TOM1: variants seen among roughly 807,000 people sequenced by gnomAD.
TOM1 encodes target of myb1 membrane trafficking protein, also known as target of Myb protein 1.
In TOM1, 38 loss-of-function variants were observed where a neutral mutation model predicts 61.3. The ratio of observed to expected loss-of-function variants is 0.62; its 90% confidence interval spans 0.48 to 0.81. The LOEUF is 0.81. TOM1 is among the 40% of genes least tolerant of loss of function. The pLI is 0.00. For missense variants in TOM1, 591 were observed against 659.6 expected (o/e 0.90, Z 1.14); for synonymous variants, 270 against 268.8 (o/e 1.00, Z -0.04).
At chr22:35,336,610 C>G (rs25015) in intron 11 of TOM1, 67 of 152,208 alleles carry the variant, frequency 4.4e-4, no homozygotes, top group East Asian at 1.2e-3. Flanking sequence ...GTCCTTCCCC[C>G]GCTTTGTCCG....
chr22:35,334,436 A>C lies in TOM1; in HGVS notation c.1136A>C (p.Asp379Ala). 1 of 1,613,988 alleles carries C rather than the reference A, an allele frequency of 6.2e-7. No homozygotes were observed. Among genetic ancestry groups the C allele is most frequent in the Non-Finnish European group, 8.5e-7 (1 of 1,179,984 alleles). ...CTGACACGGGGCAGCTCACTGGCTG[A>C]CCAACGGAAAGAGTGAGTGGCCTGG... ...FALTRGSSLA[D>A]QRKEVKYEAP... The change falls in exon 11 of 15, where the codon GAC (aspartate) becomes GCC (alanine). Residue 379 changes from aspartate (D) to alanine (A), a missense_variant. Physicochemically the swap from Asp to Ala is moderately radical, Grantham distance 126. Coordinates refer to ENST00000449058, the MANE Select transcript of TOM1 (RefSeq NM_005488.3).
At chr22:35,305,822 G>A (rs1290468880) in intron 1 of TOM1, among the ~76,000 whole-genome samples, 2 of 152,206 alleles carry the variant, frequency 1.3e-5, no homozygotes, top group African/African-American at 2.4e-5. Context: ...TTGTTCAGTA[G>A]TGAGCTCCCC....
In TOM1 at chr22:35,314,157, C is replaced by T. The variant is rs555248787; in HGVS notation, c.53-3720C>T. On this transcript the variant is annotated intron_variant, in intron 1 of 14. Coordinates refer to ENST00000449058, the MANE Select transcript of TOM1 (RefSeq NM_005488.3). ...ATTCACCGCAATCCTGTTGTCCACA[C>T]CTGGACCTGGAGGAACCTGGAGGAA... Among the ~76,000 whole-genome samples, 3 of 152,316 alleles carry T rather than the reference C, an allele frequency of 2.0e-5. No homozygotes were observed. In the East Asian group the frequency reaches 5.8e-4, roughly 29 times the overall value.
rs1569034913 is a variant in TOM1, at chr22:35,334,342, A to G, written c.1042A>G (p.Ser348Gly). The change falls in exon 11 of 15, where the codon AGT becomes GGT. Residue 348 changes from serine (S) to glycine (G), a missense_variant. Ser to Gly is a moderately conservative substitution (Grantham distance 56, BLOSUM62 0). Transcript: ENST00000449058. ...QLAGMNLGSS[S>G]VRAGLQSLEA... ...TGTCCCTGCAGACCTGGGCTCCAGC[A>G]GTGTGAGAGCTGGCCTGCAGTCTCT... 1 of 1,613,578 alleles carries G rather than the reference A, an allele frequency of 6.2e-7. No homozygotes were observed. The highest frequency in any genetic ancestry group is 1.1e-5 in the South Asian group (1 of 91,078).
At chr22:35,316,781 C>T (rs1234620456) in intron 1 of TOM1, among the ~76,000 whole-genome samples, 1 of 152,104 alleles carries the variant, frequency 6.6e-6, no homozygotes, top group African/African-American at 2.4e-5. Context: ...GTGACTTTCG[C>T]CTCAACTTTT....
intron 1 of TOM1, among the ~76,000 whole-genome samples, chr22:35,309,366 A>C (rs138771): frequency 6.6e-6 from 1 of 151,948 alleles, no homozygotes; most frequent in East Asian, 1.9e-4. Flanking sequence ...GAAAGAGGCC[A>C]GGCGCAGTGG....
intron 2 of TOM1, 33 bp downstream of exon 2, chr22:35,317,994 A>G (rs754120930): frequency 6.4e-7 from 1 of 1,565,626 alleles, no homozygotes; most frequent in Middle Eastern, 1.7e-4. Flanking sequence ...TTGGGGGCAG[A>G]GACGGCCATC....
chr22:35,312,970 T>C (rs1926964780), intron 1 of TOM1, among the ~76,000 whole-genome samples: 1 of 152,102 alleles, frequency 6.6e-6, no homozygotes, highest in Non-Finnish European at 1.5e-5. Flanking sequence ...GCTGTCTCAG[T>C]GATCATGAGA....
intron 1 of TOM1, among the ~76,000 whole-genome samples, chr22:35,311,995 C>G (rs1926867605): frequency 6.6e-6 from 1 of 152,164 alleles, no homozygotes; most frequent in African/African-American, 2.4e-5. Context: ...TGGCTCACGC[C>G]TGTAATCCCA....
chr22:35,324,814 T>C (rs919855054), intron 6 of TOM1, among the ~76,000 whole-genome samples: 6 of 152,186 alleles, frequency 3.9e-5, no homozygotes, highest in Non-Finnish European at 7.3e-5. Context: ...CCTCCTAAAG[T>C]GCTGGGATTA....
chr22:35,330,480 G>A lies in TOM1; in HGVS notation c.899G>A (p.Arg300Gln). The change falls in exon 8 of 15, where the codon CGG (arginine) becomes CAG (glutamine). Residue 300 changes from arginine to glutamine, a missense_variant and splice_region_variant. Physicochemically the swap from Arg to Gln is conservative, Grantham distance 43. Transcript: ENST00000449058. ...AACAATGTGTTCCTGCGCCATGAAC[G>A]GTAGCCCCAGCACCTCCCCTGGCCT... ...NLNNVFLRHERFERFRTGQTT... is the reference protein window; with the variant it reads ...NLNNVFLRHEQFERFRTGQTT... 3 of 1,609,240 alleles carry A rather than the reference G, an allele frequency of 1.9e-6. No homozygotes were observed. Among genetic ancestry groups the A allele is most frequent in the South Asian group, 1.1e-5 (1 of 90,538 alleles).
At chr22:35,318,503 G>A (rs898377428) in intron 2 of TOM1, among the ~76,000 whole-genome samples, 2 of 152,250 alleles carry the variant, frequency 1.3e-5, no homozygotes, top group East Asian at 1.9e-4. Context: ...TCACGGTATC[G>A]TCTTGCTCAG....
intron 1 of TOM1, among the ~76,000 whole-genome samples, chr22:35,307,811 G>C (rs1055984665): frequency 2.0e-5 from 3 of 152,160 alleles, no homozygotes; most frequent in African/African-American, 7.2e-5. Context: ...GGGGTCTACT[G>C]TTTGAACTTG....
At chr22:35,299,599 G>A (rs994074857), upstream of TOM1, 5 of 350,338 alleles carry the variant, frequency 1.4e-5, no homozygotes, top group Non-Finnish European at 5.3e-6. Flanking sequence ...CTACGACCCA[G>A]TTTCCCAAAT....
chr22:35,312,098 C>G (rs1281435381), intron 1 of TOM1, among the ~76,000 whole-genome samples: 6 of 150,670 alleles, frequency 4.0e-5, no homozygotes, highest in Non-Finnish European at 7.4e-5. Flanking sequence ...ACTAAAAATA[C>G]AAAAAAAAAT....
chr22:35,312,240 T>C (rs894285670), intron 1 of TOM1, among the ~76,000 whole-genome samples: 12 of 120,000 alleles, frequency 1.0e-4, no homozygotes, highest in East Asian at 7.0e-4. Flanking sequence ...CAAGACTCCG[T>C]CTCAAAAAAA....
chr22:35,339,908 A>T (rs1177755561), intron 12 of TOM1, among the ~76,000 whole-genome samples: 1 of 152,104 alleles, frequency 6.6e-6, no homozygotes, highest in African/African-American at 2.4e-5. Flanking sequence ...CGTCTCAAAA[A>T]AAAAAAAAAG....
chr22:35,311,219 A>G (rs1926789889), intron 1 of TOM1: 1 of 152,264 alleles, frequency 6.6e-6, no homozygotes. Flanking sequence ...TCCATGCCGT[A>G]GTTGTCCACC....
At chr22:35,331,212 C>G (rs1224468830) in intron 8 of TOM1, 1 of 406,056 alleles carries the variant, frequency 2.5e-6, no homozygotes. Context: ...CCTCCCACCT[C>G]AGCCTGCCAG....
Sources: gnomAD v4.1 joint callset for allele counts (sites outside exome capture counted in the v4.1 genomes callset) on GRCh38, gnomAD v4.1.1 for gene constraint, MANE v1.5 for transcripts, NCBI Gene and HGNC (gene_info 2026-07-23, HGNC 2026-07-21) for gene names.